The following RASL12 variants were observed in gnomAD, a reference collection of about 807,000 sequenced individuals.
RASL12 encodes RAS like family 12.
Under a neutral mutation model 22.9 loss-of-function variants are expected in RASL12, and 16 were observed. That is an observed-to-expected ratio of 0.70 (90% CI 0.47 to 1.06). The LOEUF (loss-of-function observed/expected upper bound fraction) is 1.06. Among genes scored for constraint, RASL12 ranks in the 50% least tolerant of loss-of-function variants. The pLI is 0.00. For synonymous variants in RASL12, 159 were observed against 152.2 expected (o/e 1.04, Z -0.33); for missense variants, 306 against 353.1 (o/e 0.87, Z 1.07).
At chr15:65,052,956 G>A (rs2086674867), downstream of RASL12, 1 of 1,607,220 alleles carries the variant, frequency 6.2e-7, no homozygotes, top group Admixed American at 1.7e-5. Context: ...ACTGTTCCCT[G>A]TCCCCCCAGA....
At chr15:65,062,361 G>A (rs3784446) in intron 2 of RASL12, among the ~76,000 whole-genome samples, 54,498 of 152,076 alleles carry the variant, frequency 0.36, 10,640 homozygotes, top group East Asian at 0.72. Flanking sequence ...CTTCCAGATG[G>A]GGAAACCACA....
At chr15:65,070,106 G>A (rs984905940), upstream of RASL12, among the ~76,000 whole-genome samples, 16 of 152,088 alleles carry the variant, frequency 1.1e-4, no homozygotes, top group African/African-American at 3.4e-4. Context: ...CTCTACAGAC[G>A]CATATAAAAA....
At position 65,053,396 on chromosome 15, in the gene RASL12, C is replaced by A; in HGVS notation, c.*1503G>T. The A allele has an allele frequency of 7.4e-7, 1 of 1,350,462 alleles. No homozygotes were observed. The highest frequency in any genetic ancestry group is 9.5e-7 in the Non-Finnish European group (1 of 1,053,308). 83.7% of individuals were successfully genotyped at this position (1,350,462 alleles called of 1,614,324 possible). ...TCCTGGAAGGGAGCAGGTGGTATTG[C>A]ATAGTTTGTTCAGATGGCAGTGGTA... On this transcript the variant is annotated 3_prime_UTR_variant, in exon 5 of 5. Transcript: ENST00000220062.
At chr15:65,047,064 A>C in the RASL12 span, among the ~76,000 whole-genome samples, 1 of 152,202 alleles carries the variant, frequency 6.6e-6, no homozygotes, top group African/African-American at 2.4e-5. Flanking sequence ...ACATTTAAAA[A>C]TGCATACAAA....
upstream of RASL12, among the ~76,000 whole-genome samples, chr15:65,069,422 A>G (rs1005535881): frequency 2.0e-5 from 3 of 152,232 alleles, no homozygotes; most frequent in African/African-American, 7.2e-5. Context: ...GTGAAGACAG[A>G]CTGGTTCCAG....
At chr15:65,068,333 G>C, upstream of RASL12, 2 of 974,260 alleles carry the variant, frequency 2.1e-6, no homozygotes, top group Non-Finnish European at 2.4e-6. This position sits in a 1 kb window ranked among gnomAD's most constrained non-coding sequence, Gnocchi z 4.2. Context: ...GTTCTACCAA[G>C]CCAGCCCCGC....
chr15:65,065,329 C>T, intron 1 of RASL12, 56 bp from the exon 2 acceptor site: 1 of 1,550,942 alleles, frequency 6.4e-7, no homozygotes, highest in Non-Finnish European at 8.8e-7. Context: ...TAGCTGCTGG[C>T]CCCTCGTTTA....
chr15:65,053,583 G>T lies in RASL12; in HGVS notation c.*1316C>A, dbSNP rs2086687218. ...ATTTACAGAATGAGTCCGAAGACTG[G>T]GTCAGAGATGCTGTTTGCAATCCAA... is the stretch of plus-strand genomic sequence containing the variant. On this transcript the variant is annotated 3_prime_UTR_variant, in exon 5 of 5. Transcript: ENST00000220062. 2 of 1,000,910 alleles carry T rather than the reference G, an allele frequency of 2.0e-6. No homozygotes were observed. The highest frequency in any genetic ancestry group is 1.7e-5 in the African/African-American group (1 of 57,474). The allele number at this position is 1,000,910 out of a possible 1,614,324, so 62.0% of individuals were successfully genotyped here.
chr15:65,073,595 C>T (rs921151264), intron 1 of RASL12, among the ~76,000 whole-genome samples: 13 of 152,196 alleles, frequency 8.5e-5, no homozygotes, highest in African/African-American at 1.9e-4. Flanking sequence ...TCTGGCTGCG[C>T]GGCCTGGTTC....
Position 65,054,877 on chromosome 15 carries a change from T to C in RASL12, c.*22A>G. 1 of 1,596,886 alleles carries C rather than the reference T, an allele frequency of 6.3e-7. No individual in the cohort carries two copies. The highest frequency in any genetic ancestry group is 8.6e-7 in the Non-Finnish European group (1 of 1,169,450). ...TGCAGTCCTGTCCAGCCACCGAGCC[T>C]AGGCTTCCTGGGGAGGGGGCCTCAG... is the stretch of plus-strand genomic sequence containing the variant. On this transcript the variant is annotated 3_prime_UTR_variant, in exon 5 of 5. Transcript: ENST00000220062.
At chr15:65,074,158 G>C (rs928028995) in intron 1 of RASL12, among the ~76,000 whole-genome samples, 1 of 137,274 alleles carries the variant, frequency 7.3e-6, no homozygotes, top group South Asian at 2.1e-4. Context: ...TAAAACCCTG[G>C]TCCTGTACCC....
At position 65,054,718 on chromosome 15, in the gene RASL12, C is replaced by T. The variant is rs2086702339; in HGVS notation, c.*181G>A. The T allele has an allele frequency of 2.1e-6, 3 of 1,429,076 alleles. No homozygotes were observed. The highest frequency in any genetic ancestry group is 3.1e-5 in the South Asian group (2 of 64,942). 88.5% of individuals were successfully genotyped at this position (1,429,076 alleles called of 1,614,324 possible). On this transcript the variant is annotated 3_prime_UTR_variant, in exon 5 of 5. Coordinates refer to ENST00000220062, the MANE Select transcript of RASL12 (RefSeq NM_016563.4). The stretch of plus-strand genomic sequence containing the variant: ...CATGAAGACCAAGGCCTGGAGGGAA[C>T]AGAAGCAGCATCCCTGCCTGCCACT...
At chr15:65,066,105 A>AAGAAAGAAGAAAGAGAG (rs1566956566) in intron 1 of RASL12, among the ~76,000 whole-genome samples, 3 of 150,520 alleles carry the variant, frequency 2.0e-5, no homozygotes, top group Non-Finnish European at 4.5e-5. Context: ...AGGAAAGAGA[A>AAGAAAGAAGAAAGAGAG]AGAAAGAAGA....
chr15:65,057,127 G>C (rs953327525), intron 4 of RASL12, among the ~76,000 whole-genome samples: 12 of 152,134 alleles, frequency 7.9e-5, no homozygotes, highest in African/African-American at 2.7e-4. Context: ...ACCTTTGAAG[G>C]CCTCTCACCA....
intron 1 of RASL12, among the ~76,000 whole-genome samples, chr15:65,074,725 G>C (rs144113877): frequency 6.6e-6 from 1 of 152,230 alleles, no homozygotes; most frequent in Non-Finnish European, 1.5e-5. Context: ...CATGAGGAAC[G>C]GTTAGGACAT....
chr15:65,049,878 C>G (rs990362046), downstream of RASL12: 1 of 589,478 alleles, frequency 1.7e-6, no homozygotes, highest in Non-Finnish European at 2.9e-6. Context: ...TCCAGTCATG[C>G]TGTCTGCTTT....
chr15:65,054,766 T>G lies in RASL12; in HGVS notation c.*133A>C. ...ACTCCAGCTCACACAGTGAATTGAG[T>G]GTAGGGACACTGCTTGGTGCTGGAG... On this transcript the variant is annotated 3_prime_UTR_variant, in exon 5 of 5. Coordinates refer to ENST00000220062, the MANE Select transcript of RASL12 (RefSeq NM_016563.4). 5 of 1,483,480 alleles carry G rather than the reference T, an allele frequency of 3.4e-6. No homozygotes were observed. Among genetic ancestry groups the G allele is most frequent in the Non-Finnish European group, 4.4e-6 (5 of 1,123,714 alleles). 91.9% of individuals were successfully genotyped at this position (1,483,480 alleles called of 1,614,324 possible). A position where few individuals can be genotyped will look rare whatever the true frequency, so the allele number is the denominator to read the frequency against.
intron 3 of RASL12, 44 bp from the exon 4 acceptor site, chr15:65,058,661 G>A: frequency 7.0e-7 from 1 of 1,425,088 alleles, no homozygotes; most frequent in Middle Eastern, 2.0e-4. Context: ...AGAGGAGGTT[G>A]GGGTAAAGGC....
upstream of RASL12, among the ~76,000 whole-genome samples, chr15:65,072,626 C>T (rs766579874): frequency 2.0e-5 from 3 of 152,192 alleles, no homozygotes; most frequent in Non-Finnish European, 4.4e-5. Context: ...AAGCTCCATT[C>T]CATCCCAAGC....
Sources: gnomAD v4.1 joint callset for allele counts (sites outside exome capture counted in the v4.1 genomes callset) on GRCh38, gnomAD v4.1.1 for gene constraint, Gnocchi (gnomAD v3.1) non-coding constraint, MANE v1.5 for transcripts, NCBI Gene and HGNC (gene_info 2026-07-23, HGNC 2026-07-21) for gene names.